The following RCC1L variants were observed in gnomAD, a reference collection of about 807,000 sequenced individuals.
RCC1L encodes the protein RCC1-like G exchanging factor-like protein.
In RCC1L, 46 loss-of-function variants were observed where a neutral mutation model predicts 58.6. The ratio of observed to expected loss-of-function variants is 0.79; its 90% CI spans 0.62 to 1.00. The LOEUF (loss-of-function observed/expected upper bound fraction) is 1.00, where lower values mean the gene tolerates loss of function less well. Ranked by LOEUF, RCC1L falls within the 50% of genes least tolerant of loss-of-function variation. The pLI, the probability that RCC1L is intolerant of heterozygous loss-of-function variation, is 0.00. For synonymous variants in RCC1L, 281 were observed against 262.9 expected (o/e 1.07, Z -0.67); for missense variants, 636 against 623.6 (o/e 1.02, Z -0.21).
chr7:75,041,639 G>C (rs587692362), downstream of RCC1L, among the ~76,000 whole-genome samples: 1 of 151,804 alleles, frequency 6.6e-6, no homozygotes, highest in South Asian at 2.1e-4. Flanking sequence ...CAGGCAGATC[G>C]TCTGAGGTCA....
chr7:75,060,991 C>A (rs1806258831), intron 6 of RCC1L, among the ~76,000 whole-genome samples: 1 of 152,120 alleles, frequency 6.6e-6, no homozygotes, highest in African/African-American at 2.4e-5. Context: ...GGAGGATCAC[C>A]TGAGCCTGGG....
intron 10 of RCC1L, among the ~76,000 whole-genome samples, chr7:75,032,912 A>C (rs1236500266): frequency 2.0e-5 from 3 of 151,848 alleles, no homozygotes; most frequent in African/African-American, 7.3e-5. Flanking sequence ...TCTCTACTAA[A>C]AATATAAAAA....
chr7:75,072,143 CATATACATATACATATACATATATATAT>C (rs1290762244), intron 1 of RCC1L, among the ~76,000 whole-genome samples: 17 of 63,968 alleles, frequency 2.7e-4, no homozygotes, highest in African/African-American at 7.9e-4. Context: ...TAAATTTATA[CATATACATATACATATACATATATATAT>C]ATATATATAT....
chr7:75,047,951 TAAAAAAAAAA>T (rs1165495607), intron 10 of RCC1L, among the ~76,000 whole-genome samples: 1 of 72,160 alleles, frequency 1.4e-5, no homozygotes, highest in African/African-American at 5.7e-5. Flanking sequence ...GGCCAATAAT[TAAAAAAAAAA>T]AAAAAAAAAA....
At chr7:75,029,028 C>T (rs1805223319) in intron 10 of RCC1L, among the ~76,000 whole-genome samples, 1 of 152,218 alleles carries the variant, frequency 6.6e-6, no homozygotes, top group African/African-American at 2.4e-5. Context: ...ATTTGTTCAG[C>T]AGGAGGAGGC....
chr7:75,030,311 C>T (rs892460668), intron 10 of RCC1L, among the ~76,000 whole-genome samples: 1 of 152,182 alleles, frequency 6.6e-6, no homozygotes, highest in Non-Finnish European at 1.5e-5. Flanking sequence ...GGGACTGGCT[C>T]TTGGAGTATT....
chr7:75,042,274 A>C lies in RCC1L; in HGVS notation c.*758T>G, dbSNP rs1805588331. On this transcript the variant is annotated 3_prime_UTR_variant, in exon 11 of 11. Coordinates refer to ENST00000610322, the MANE Select transcript of RCC1L (RefSeq NM_030798.5). ...GAAAGGCAAGTCACGCTACTAAATC[A>C]AACATTGTTCACAATTTCTGGATCT... The C allele has an allele frequency of 3.0e-6, 3 of 985,500 alleles. No individual in the cohort carries two copies. The highest frequency in any genetic ancestry group is 3.6e-6 in the Non-Finnish European group (3 of 829,958). 61.0% of individuals were successfully genotyped at this position (985,500 alleles called of 1,614,324 possible). A position where few individuals can be genotyped will look rare whatever the true frequency, so the allele number is the denominator to read the frequency against.
intron 3 of RCC1L, among the ~76,000 whole-genome samples, chr7:75,065,352 C>T (rs1346080025): frequency 6.6e-6 from 1 of 151,970 alleles, no homozygotes; most frequent in African/African-American, 2.4e-5. Flanking sequence ...GTCAGGAGTT[C>T]GAGGCCAGAC....
intron 10 of RCC1L, chr7:75,028,093 A>AAG (rs1805188200): frequency 6.6e-7 from 1 of 1,515,442 alleles, no homozygotes; most frequent in Non-Finnish European, 8.8e-7. Flanking sequence ...GCGGGGGAGG[A>AAG]AGAGGGCTCT....
At chr7:75,031,690 G>C (rs1805310772) in intron 10 of RCC1L, among the ~76,000 whole-genome samples, 1 of 152,070 alleles carries the variant, frequency 6.6e-6, no homozygotes, top group Non-Finnish European at 1.5e-5. Flanking sequence ...CGGAGGGGTT[G>C]TATTAGTTAC....
Position 75,055,884 on chromosome 7 carries a change from C to G in RCC1L, c.1231+17G>C, listed in dbSNP as rs192310975. ...TCTGCTGGGCTCACACCAGGGCCACCGGGCTTGGTAACTTACTGGTCAGTG... is the reference window on the plus strand; with the variant it reads ...TCTGCTGGGCTCACACCAGGGCCACGGGGCTTGGTAACTTACTGGTCAGTG... On this transcript the variant is annotated intron_variant, in intron 9 of 10. Coordinates refer to ENST00000610322, the MANE Select transcript of RCC1L (RefSeq NM_030798.5). The G allele has an allele frequency of 6.2e-7, 1 of 1,613,776 alleles. No individual in the cohort carries two copies. Among genetic ancestry groups the G allele is most frequent in the Non-Finnish European group, 8.5e-7 (1 of 1,179,820 alleles).
At position 75,061,262 on chromosome 7, in the gene RCC1L, G is replaced by A. The variant is rs1331336837; in HGVS notation, c.732C>T (p.Phe244=). The A allele has an allele frequency of 2.5e-6, 4 of 1,613,614 alleles. No individual in the cohort carries two copies. In the African/African-American group the frequency reaches 4.0e-5, roughly 16 times the overall value. Residue 244 remains phenylalanine (F), a synonymous_variant, in exon 6 of 11, where the codon TTC becomes TTT. Coordinates refer to ENST00000610322, the MANE Select transcript of RCC1L (RefSeq NM_030798.5). ...QVACGQDHSL[F]LTDKGEVYSC... is the part of the protein sequence containing the mutation. Reference sequence around the variant, plus strand: ...AATAGACTTCTCCTTTATCCGTCAGGAACAGACTATGATCCTGACCACAGG... The same window carrying A: ...AATAGACTTCTCCTTTATCCGTCAGAAACAGACTATGATCCTGACCACAGG...
At chr7:75,056,459 G>A (rs1347556477) in intron 8 of RCC1L, 4 of 1,408,516 alleles carry the variant, frequency 2.8e-6, no homozygotes, top group African/African-American at 2.9e-5. Flanking sequence ...CTGATCAGAA[G>A]GCCAAACACA....
downstream of RCC1L, among the ~76,000 whole-genome samples, chr7:75,041,829 A>G (rs1406096329): frequency 6.8e-6 from 1 of 148,046 alleles, no homozygotes; most frequent in Non-Finnish European, 1.5e-5. Context: ...ATGTTGCTGC[A>G]CTCCAGCCTG....
At chr7:75,047,514 C>T (rs1409059829) in intron 10 of RCC1L, among the ~76,000 whole-genome samples, 1 of 152,228 alleles carries the variant, frequency 6.6e-6, no homozygotes, top group Non-Finnish European at 1.5e-5. Context: ...CCTTTCGCGT[C>T]AGCCTCTCAA....
intron 10 of RCC1L, among the ~76,000 whole-genome samples, chr7:75,044,599 G>GGA (rs1227967486): frequency 1.2e-3 from 48 of 40,676 alleles, no homozygotes; most frequent in Non-Finnish European, 1.6e-3. Flanking sequence ...ACTCTGTCTC[G>GGA]AAAAAAAAAA....
chr7:75,051,355 C>CACAT (rs1805908855), intron 10 of RCC1L, among the ~76,000 whole-genome samples: 2 of 149,492 alleles, frequency 1.3e-5, no homozygotes, highest in African/African-American at 4.9e-5. Flanking sequence ...TACACACACA[C>CACAT]ATATATATAC....
chr7:75,028,197 A>G, intron 10 of RCC1L: 2 of 936,394 alleles, frequency 2.1e-6, no homozygotes, highest in Non-Finnish European at 3.1e-6. Context: ...AGCTCACTGC[A>G]GCAACCTCCA....
At chr7:75,057,784 G>T in intron 7 of RCC1L, 168 bp from the exon 8 acceptor site, 1 of 717,400 alleles carries the variant, frequency 1.4e-6, no homozygotes, top group African/African-American at 1.8e-5. Context: ...GGTAGAATGG[G>T]AAGCAAAAGA....
Sources: gnomAD v4.1 joint callset for allele counts (sites outside exome capture counted in the v4.1 genomes callset) on GRCh38, gnomAD v4.1.1 for gene constraint, MANE v1.5 for transcripts, NCBI Gene and HGNC (gene_info 2026-07-23, HGNC 2026-07-21) for gene names.